The following NREP variants were observed in gnomAD, a reference collection of about 807,000 sequenced individuals.
NREP encodes the protein neuronal regeneration-related protein.
NREP carries 5 observed loss-of-function variants against 8.6 expected under a neutral mutation model. The observed-to-expected ratio is 0.58, with a 90% CI of 0.30 to 1.22. NREP has a LOEUF of 1.22. Ranked by LOEUF, NREP falls within the 50% of genes most tolerant of loss-of-function variation. The pLI is 0.07. For synonymous variants in NREP, 27 were observed against 28.0 expected (o/e 0.96, Z 0.11); for missense variants, 86 against 82.5 (o/e 1.04, Z -0.17).
chr5:111,819,355 A>G (rs900069741), intron 2 of NREP, among the ~76,000 whole-genome samples: 49 of 152,302 alleles, frequency 3.2e-4, no homozygotes, highest in African/African-American at 1.2e-3. Flanking sequence ...CCTAGCCAAT[A>G]GGGGAATGAC....
At chr5:111,772,928 A>C (rs1299156163) in intron 2 of NREP, among the ~76,000 whole-genome samples, 2 of 152,144 alleles carry the variant, frequency 1.3e-5, no homozygotes, top group African/African-American at 4.8e-5. Context: ...GTTTCTCTTA[A>C]ATAGCAAAAT....
chr5:111,763,707 T>C (rs1751016877), intron 2 of NREP, among the ~76,000 whole-genome samples: 1 of 152,244 alleles, frequency 6.6e-6, no homozygotes, highest in Admixed American at 6.5e-5. Context: ...GTTAATGCTG[T>C]TCTAAAACAA....
chr5:111,961,489 T>C (rs1756479290), intron 2 of NREP, among the ~76,000 whole-genome samples: 1 of 152,242 alleles, frequency 6.6e-6, no homozygotes, highest in Admixed American at 6.5e-5. Flanking sequence ...TGGCTTCCTT[T>C]AAATGGTAAA....
At chr5:111,771,666 G>C (rs1277045580) in intron 2 of NREP, among the ~76,000 whole-genome samples, 1 of 151,912 alleles carries the variant, frequency 6.6e-6, no homozygotes, top group Non-Finnish European at 1.5e-5. Flanking sequence ...GGGAGGCTGA[G>C]GCAGAAGAAT....
At chr5:111,779,570 C>T (rs1213197746) in intron 2 of NREP, among the ~76,000 whole-genome samples, 1 of 152,186 alleles carries the variant, frequency 6.6e-6, no homozygotes, top group African/African-American at 2.4e-5. Context: ...TTAGGTCAAA[C>T]TCTCCAAGAA....
At chr5:111,783,113 G>C (rs1251841564) in intron 2 of NREP, among the ~76,000 whole-genome samples, 1 of 152,072 alleles carries the variant, frequency 6.6e-6, no homozygotes, top group African/African-American at 2.4e-5. Flanking sequence ...CACAGTATCA[G>C]AAAGAAGCAA....
intron 2 of NREP, among the ~76,000 whole-genome samples, chr5:111,793,662 A>T (rs1190272677): frequency 2.0e-5 from 3 of 152,202 alleles, no homozygotes; most frequent in African/African-American, 7.2e-5. Flanking sequence ...AGCCCAGTTA[A>T]GTTGACATAT....
intron 2 of NREP, among the ~76,000 whole-genome samples, chr5:111,906,523 A>G (rs1754783201): frequency 6.6e-6 from 1 of 152,130 alleles, no homozygotes; most frequent in Non-Finnish European, 1.5e-5. Context: ...CTTTAATGCT[A>G]GTGTACAACA....
intron 2 of NREP, among the ~76,000 whole-genome samples, chr5:111,798,319 T>G (rs1490602750): frequency 1.3e-5 from 2 of 152,224 alleles, no homozygotes; most frequent in African/African-American, 2.4e-5. Context: ...TTTTCTAATT[T>G]CATAACTTTG....
At chr5:111,806,986 C>T (rs1581131857) in intron 2 of NREP, among the ~76,000 whole-genome samples, 1 of 151,838 alleles carries the variant, frequency 6.6e-6, no homozygotes, top group Non-Finnish European at 1.5e-5. Context: ...TGGCTCTTGG[C>T]TATAGGAAAG....
intron 2 of NREP, among the ~76,000 whole-genome samples, chr5:111,949,395 T>A (rs991460483): frequency 1.3e-5 from 2 of 152,110 alleles, no homozygotes; most frequent in African/African-American, 4.8e-5. Flanking sequence ...AAAATTTTAT[T>A]TGGAAAATTC....
intron 2 of NREP, among the ~76,000 whole-genome samples, chr5:111,765,742 C>T (rs552167257): frequency 6.6e-6 from 1 of 152,300 alleles, no homozygotes; most frequent in South Asian, 2.1e-4. Context: ...CTTGGCATCT[C>T]TTTATTTCTT....
At chr5:111,930,223 G>A (rs376871828) in intron 2 of NREP, among the ~76,000 whole-genome samples, 3 of 152,214 alleles carry the variant, frequency 2.0e-5, no homozygotes, top group East Asian at 3.9e-4. Context: ...GAGAGGAGAT[G>A]AGATATAAGG....
intron 2 of NREP, among the ~76,000 whole-genome samples, chr5:111,775,969 A>G (rs1751347483): frequency 1.3e-5 from 2 of 152,300 alleles, no homozygotes; most frequent in South Asian, 4.1e-4. Context: ...TTATAATAAG[A>G]GACTTTCAAA....
Position 111,753,601 on chromosome 5 carries a change from G to C in NREP, c.3+2169C>G, listed in dbSNP as rs549685214. 7.2e-5 allele frequency among the ~76,000 whole-genome samples: 11 copies of C among 151,880 alleles called. 1 individual carries two copies. Among genetic ancestry groups the C allele is most frequent in the African/African-American group, 2.7e-4 (11 of 41,458 alleles). On this transcript the variant is annotated intron_variant, in intron 2 of 3. Coordinates refer to ENST00000257435, the MANE Select transcript of NREP (RefSeq NM_004772.4). The stretch of plus-strand genomic sequence containing the variant: ...TTTGAAATAAGCCCTTTACTAAATA[G>C]GTAAAATATACTGAAATTAGATCCT...
At chr5:111,834,878 C>T (rs1752856878) in intron 2 of NREP, among the ~76,000 whole-genome samples, 1 of 152,064 alleles carries the variant, frequency 6.6e-6, no homozygotes, top group African/African-American at 2.4e-5. Flanking sequence ...CTTTTCCTCC[C>T]TATGTTTGCT....
Position 111,755,881 on chromosome 5 carries a change from C to A in NREP, c.-58-51G>T. On this transcript the variant is annotated intron_variant, in intron 1 of 3. Coordinates refer to ENST00000257435, the MANE Select transcript of NREP (RefSeq NM_004772.4). Reference sequence around the variant, plus strand: ...GACACATCGCCTCACCACAGGTCAGCAAACGAAAAATGCCTCTTTAGAGGT... The same window carrying A: ...GACACATCGCCTCACCACAGGTCAGAAAACGAAAAATGCCTCTTTAGAGGT... The A allele has an allele frequency of 4.4e-6, 7 of 1,595,050 alleles. No homozygotes were observed. The South Asian group carries it at 4.5e-5, about 10-fold the overall frequency.
At chr5:111,967,907 T>A (rs973157041) in intron 2 of NREP, among the ~76,000 whole-genome samples, 1 of 152,204 alleles carries the variant, frequency 6.6e-6, no homozygotes, top group Non-Finnish European at 1.5e-5. Flanking sequence ...AAAAAGTTTT[T>A]AAATTGCTTC....
At chr5:111,920,612 T>C (rs1174960650) in intron 2 of NREP, among the ~76,000 whole-genome samples, 1 of 152,178 alleles carries the variant, frequency 6.6e-6, no homozygotes, top group Non-Finnish European at 1.5e-5. Flanking sequence ...GGTTGCCATT[T>C]TACAGTGAAA....
Sources: allele counts gnomAD v4.1 joint callset (sites outside exome capture counted in the v4.1 genomes callset), GRCh38; gene constraint gnomAD v4.1.1; transcripts MANE v1.5; gene names NCBI Gene and HGNC (gene_info 2026-07-23, HGNC 2026-07-21).